Variants in SLCO6A1 observed in about 807,000 individuals in gnomAD.
SLCO6A1 encodes cancer/testis antigen 48.
SLCO6A1 carries 65 observed loss-of-function variants against 72.7 expected under a neutral mutation model. The ratio of observed to expected loss-of-function variants is 0.89; its 90% confidence interval spans 0.73 to 1.10. The LOEUF (loss-of-function observed/expected upper bound fraction) is 1.10. Ranked by LOEUF, SLCO6A1 falls within the 50% of genes least tolerant of loss-of-function variation. SLCO6A1 has a pLI of 0.00. For missense variants in SLCO6A1, 874 were observed against 872.6 expected, an observed-to-expected ratio of 1.00 and a Z score of -0.02; for synonymous variants, 314 against 298.2, an observed-to-expected ratio of 1.05 and a Z score of -0.55.
At chr5:102,404,310 A>T (rs1692962215) in intron 9 of SLCO6A1, among the ~76,000 whole-genome samples, 1 of 152,194 alleles carries the variant, frequency 6.6e-6, no homozygotes. Context: ...CCTGGCTAAC[A>T]TGGTGAAACC....
chr5:102,403,763 A>G (rs923068890), intron 9 of SLCO6A1, among the ~76,000 whole-genome samples: 1 of 152,182 alleles, frequency 6.6e-6, no homozygotes, highest in African/African-American at 2.4e-5. Flanking sequence ...ATGATTATTC[A>G]TCTGACAAAT....
chr5:102,476,939 A>T (rs539665272), intron 3 of SLCO6A1, among the ~76,000 whole-genome samples: 1 of 152,230 alleles, frequency 6.6e-6, no homozygotes, highest in African/African-American at 2.4e-5. Context: ...CTATTGCAAT[A>T]TAAGACAGTA....
chr5:102,373,530 T>C (rs377090264), intron 12 of SLCO6A1, 36 bp from the exon 13 acceptor site: 17 of 1,369,164 alleles, frequency 1.2e-5, no homozygotes, highest in South Asian at 1.2e-4. Context: ...GATATGTCCA[T>C]GTATTTAGAA....
intron 6 of SLCO6A1, among the ~76,000 whole-genome samples, chr5:102,445,745 T>C (rs1313447091): frequency 6.6e-6 from 1 of 152,230 alleles, no homozygotes; most frequent in Non-Finnish European, 1.5e-5. Flanking sequence ...TTGATTTTTG[T>C]ATATGGTGAA....
chr5:102,456,682 G>C (rs1413975233), intron 6 of SLCO6A1, among the ~76,000 whole-genome samples: 1 of 152,118 alleles, frequency 6.6e-6, no homozygotes, highest in Non-Finnish European at 1.5e-5. Context: ...ACTGCCCAAG[G>C]TAATTTATAG....
chr5:102,489,137 T>C (rs989192321), intron 1 of SLCO6A1, among the ~76,000 whole-genome samples: 1 of 152,216 alleles, frequency 6.6e-6, no homozygotes, highest in Non-Finnish European at 1.5e-5. Flanking sequence ...GCTTCTGCAA[T>C]AGTTCCCAAG....
At chr5:102,428,857 C>T (rs560316135) in intron 7 of SLCO6A1, among the ~76,000 whole-genome samples, 1 of 152,254 alleles carries the variant, frequency 6.6e-6, no homozygotes, top group East Asian at 1.9e-4. Flanking sequence ...GCCTTTAGCT[C>T]TTTGAGGAAT....
At position 102,459,709 on chromosome 5, in the gene SLCO6A1, A is replaced by G. The variant is rs1750923027; in HGVS notation, c.968T>C (p.Val323Ala). The G allele has an allele frequency of 6.2e-7, 1 of 1,611,626 alleles. No individual in the cohort carries two copies. The highest frequency in any genetic ancestry group is 1.3e-5 in the African/African-American group (1 of 74,678). The change falls in exon 5 of 14, where the codon GTC becomes GCC. Residue 323 changes from valine (V) to alanine (A), a missense_variant. Physicochemically the swap from Val to Ala is moderately conservative, Grantham distance 64 (BLOSUM62 0). Coordinates refer to ENST00000506729, the MANE Select transcript of SLCO6A1 (RefSeq NM_173488.5). Reference protein sequence around the residue: ...TWWINFLFAAVVAWCTLIPLS... With the variant: ...TWWINFLFAAAVAWCTLIPLS... ...TGGTATTAATGTACACCATGCAACG[A>G]CAGCGGCAAAAAGAAAATTAATCCA...
In SLCO6A1 at chr5:102,379,962, A is replaced by T. The variant is rs192092409; in HGVS notation, c.2018-6468T>A. Among the ~76,000 whole-genome samples, 14 of 151,816 alleles carry T rather than the reference A, an allele frequency of 9.2e-5. No individual in the cohort carries two copies. The East Asian group carries it at 2.5e-3, about 27-fold the overall frequency. ...ACGTTTTGTACAACTTAAATTTTTT[A>T]TTGCTATTTGATTTTTTGGTGTTAT... On this transcript the variant is annotated intron_variant, in intron 12 of 13. Transcript: ENST00000506729.
chr5:102,384,804 C>T (rs1388038176), intron 12 of SLCO6A1, among the ~76,000 whole-genome samples: 1 of 152,104 alleles, frequency 6.6e-6, no homozygotes. Flanking sequence ...ACTTTTACCA[C>T]TGAGTTTTAT....
At chr5:102,465,917 C>G (rs1431800237) in intron 4 of SLCO6A1, among the ~76,000 whole-genome samples, 1 of 152,100 alleles carries the variant, frequency 6.6e-6, no homozygotes, top group Non-Finnish European at 1.5e-5. Context: ...CCCTGGATTT[C>G]AAACAAAGTT....
At chr5:102,450,198 C>G (rs914139528) in intron 6 of SLCO6A1, among the ~76,000 whole-genome samples, 2 of 152,188 alleles carry the variant, frequency 1.3e-5, no homozygotes, top group African/African-American at 2.4e-5. Context: ...AGTAAAAAGA[C>G]ATTCTGGCTT....
In SLCO6A1 at chr5:102,480,232, T is replaced by G; in HGVS notation, c.561A>C (p.Leu187Phe). 9 of 1,612,816 alleles carry G rather than the reference T, an allele frequency of 5.6e-6. No individual in the cohort carries two copies. The South Asian group carries it at 9.9e-5, about 18-fold the overall frequency. The change falls in exon 2 of 14, where the codon TTA (leucine) becomes TTC (phenylalanine). Residue 187 changes from leucine to phenylalanine, a missense_variant. Coordinates refer to ENST00000506729, the MANE Select transcript of SLCO6A1 (RefSeq NM_173488.5). ...CTTCATTAATGGATGGAAAAGCACATAAAAGTGATCCAAGTCCTATTAAAA... is the reference window on the plus strand; with the variant it reads ...CTTCATTAATGGATGGAAAAGCACAGAAAAGTGATCCAAGTCCTATTAAAA... ...SSFLIGLGSLLCAFPSINEEN... is the reference protein window; with the variant it reads ...SSFLIGLGSLFCAFPSINEEN...
At chr5:102,398,892 C>G (rs1747246098) in intron 10 of SLCO6A1, among the ~76,000 whole-genome samples, 1 of 151,652 alleles carries the variant, frequency 6.6e-6, no homozygotes, top group Non-Finnish European at 1.5e-5. Flanking sequence ...ATAGTACTTC[C>G]AAATCAACTC....
chr5:102,487,132 A>G (rs1179424561), intron 1 of SLCO6A1, among the ~76,000 whole-genome samples: 1 of 152,196 alleles, frequency 6.6e-6, no homozygotes, highest in African/African-American at 2.4e-5. Flanking sequence ...AGTTAAATCT[A>G]GATGAAAAAA....
chr5:102,392,421 T>C (rs1184528812), intron 10 of SLCO6A1, among the ~76,000 whole-genome samples: 1 of 152,074 alleles, frequency 6.6e-6, no homozygotes, highest in East Asian at 1.9e-4. Flanking sequence ...TTCAGTGTTC[T>C]CCTTTATTTA....
chr5:102,399,528 C>A, intron 10 of SLCO6A1, 27 bp downstream of exon 10: 1 of 1,286,992 alleles, frequency 7.8e-7, no homozygotes, highest in South Asian at 2.7e-5. Flanking sequence ...ATTAAATAAA[C>A]AATAATAATG....
intron 10 of SLCO6A1, among the ~76,000 whole-genome samples, chr5:102,398,158 G>T (rs1336332671): frequency 1.3e-5 from 2 of 151,900 alleles, no homozygotes; most frequent in Non-Finnish European, 1.5e-5. Flanking sequence ...TTTGTACCAG[G>T]CATATCAAAT....
intron 9 of SLCO6A1, among the ~76,000 whole-genome samples, chr5:102,410,427 A>G (rs1463470819): frequency 3.3e-5 from 5 of 152,172 alleles, no homozygotes; most frequent in Non-Finnish European, 7.3e-5. Flanking sequence ...CAGGCCAGAA[A>G]AGGCACCACA....
Sources: allele counts gnomAD v4.1 joint callset (sites outside exome capture counted in the v4.1 genomes callset), GRCh38; gene constraint gnomAD v4.1.1; transcripts MANE v1.5; gene names NCBI Gene and HGNC (gene_info 2026-07-23, HGNC 2026-07-21).